Variants in PLEKHA8 observed in about 807,000 individuals in gnomAD.
PLEKHA8 encodes pleckstrin homology domain containing A8.
Under a neutral mutation model 68.2 loss-of-function variants are expected in PLEKHA8, and 36 were observed. That is an observed-to-expected ratio of 0.53 (90% CI 0.40 to 0.70). PLEKHA8 has a LOEUF of 0.70. Ranked by LOEUF, PLEKHA8 falls within the 30% of genes least tolerant of loss-of-function variation. The probability of loss-of-function intolerance (pLI) is 0.00; values close to 1 mark genes in which losing one functional copy is unlikely to be tolerated. For missense variants in PLEKHA8, 505 were observed against 615.4 expected (o/e 0.82, Z 1.90); for synonymous variants, 211 against 216.1 (o/e 0.98, Z 0.20).
chr7:30,119,906 T>C (rs918531238), intron 13 of PLEKHA8, among the ~76,000 whole-genome samples: 11 of 152,176 alleles, frequency 7.2e-5, no homozygotes, highest in East Asian at 3.8e-4. Context: ...CTCTTTCTTA[T>C]TGGTACTCAG....
intron 13 of PLEKHA8, among the ~76,000 whole-genome samples, chr7:30,115,576 GCACGTATACATGTAGACATGTATACATA>G (rs1289734996): frequency 2.6e-5 from 2 of 75,738 alleles, no homozygotes; most frequent in East Asian, 1.0e-3. Context: ...ATGTATACAT[GCACGTATACATGTAGACATGTATACATA>G]CATTTATACA....
chr7:30,089,114 G>C (rs965911295), downstream of PLEKHA8, among the ~76,000 whole-genome samples: 1 of 152,112 alleles, frequency 6.6e-6, no homozygotes, highest in African/African-American at 2.4e-5. Flanking sequence ...AGAAGACAGA[G>C]CAGAGTCCAG....
intron 13 of PLEKHA8, among the ~76,000 whole-genome samples, chr7:30,115,652 A>G (rs545009052): frequency 9.2e-5 from 14 of 151,936 alleles, no homozygotes; most frequent in East Asian, 5.8e-4. Context: ...ACACATGTAC[A>G]CATACATGTA....
At chr7:30,072,592 C>A (rs1794313594) in intron 12 of PLEKHA8, among the ~76,000 whole-genome samples, 1 of 152,176 alleles carries the variant, frequency 6.6e-6, no homozygotes, top group Non-Finnish European at 1.5e-5. Context: ...GTCCTGTGAA[C>A]CACGTTGCTT....
Position 30,083,672 on chromosome 7 carries a change from A to T in PLEKHA8, c.*4885A>T. ...AAATACCACTACTCTGCAATGCAAAAGTCTTCAAAATTCTTTGTTTCCTGT... is the reference window on the plus strand; with the variant it reads ...AAATACCACTACTCTGCAATGCAAATGTCTTCAAAATTCTTTGTTTCCTGT... On this transcript the variant is annotated 3_prime_UTR_variant, in exon 14 of 14. Coordinates refer to ENST00000449726, the MANE Select transcript of PLEKHA8 (RefSeq NM_001197026.2). The T allele has an allele frequency of 2.0e-6, 2 of 985,472 alleles. No individual in the cohort carries two copies. The highest frequency in any genetic ancestry group is 2.4e-6 in the Non-Finnish European group (2 of 829,930). 61.0% of individuals were successfully genotyped at this position (985,472 alleles called of 1,614,324 possible).
chr7:30,043,889 C>T (rs1195902185), intron 1 of PLEKHA8, among the ~76,000 whole-genome samples: 1 of 152,162 alleles, frequency 6.6e-6, no homozygotes, highest in African/African-American at 2.4e-5. Flanking sequence ...GGGGCTCTGC[C>T]TTCTCTCTGG....
chr7:30,028,860 T>C, intron 1 of PLEKHA8, 58 bp downstream of exon 1: 1 of 1,245,082 alleles, frequency 8.0e-7, no homozygotes, highest in Non-Finnish European at 1.0e-6. Context: ...TCTGCGCGGC[T>C]GGAGGGCGGT....
rs576009725 is a variant in PLEKHA8 at position 30,082,748 on chromosome 7, A to T, written c.*3961A>T. ...AGGGAAAGAGGAGCCAAAGTAAGAG[A>T]TTTTTTTTTAAGGAAACTTAATCTG... On this transcript the variant is annotated 3_prime_UTR_variant, in exon 14 of 14. Coordinates refer to ENST00000449726, the MANE Select transcript of PLEKHA8 (RefSeq NM_001197026.2). 1.0e-6 allele frequency: 1 copy of T among 981,340 alleles called. No homozygotes were observed. The highest frequency in any genetic ancestry group is 4.7e-5 in the South Asian group (1 of 21,174). 60.8% of individuals were successfully genotyped at this position (981,340 alleles called of 1,614,324 possible). A position where few individuals can be genotyped will look rare whatever the true frequency, so the allele number is the denominator to read the frequency against.
chr7:30,049,060 CTTGA>C (rs34638045), intron 4 of PLEKHA8, 160 bp from the exon 5 acceptor site: 96,622 of 787,098 alleles, frequency 0.12, 6,510 homozygotes, highest in Non-Finnish European at 0.14. Context: ...CTGATAGTTA[CTTGA>C]TTAATAGATA....
At chr7:30,100,539 A>T (rs958242790) in intron 13 of PLEKHA8, among the ~76,000 whole-genome samples, 1 of 152,180 alleles carries the variant, frequency 6.6e-6, no homozygotes, top group African/African-American at 2.4e-5. Flanking sequence ...CAACAGAGCG[A>T]GACTGTGTCT....
At chr7:30,044,271 C>T (rs1791777811) in intron 1 of PLEKHA8, among the ~76,000 whole-genome samples, 1 of 152,110 alleles carries the variant, frequency 6.6e-6, no homozygotes, top group Non-Finnish European at 1.5e-5. Context: ...TCCCAAAGTG[C>T]TGGGATTACA....
chr7:30,108,586 G>A (rs1490917351), intron 13 of PLEKHA8, among the ~76,000 whole-genome samples: 1 of 151,988 alleles, frequency 6.6e-6, no homozygotes, highest in African/African-American at 2.4e-5. Flanking sequence ...ATTTCTTCTT[G>A]AGTAGTTCTG....
intron 12 of PLEKHA8, among the ~76,000 whole-genome samples, chr7:30,064,819 G>A (rs1793706913): frequency 6.6e-6 from 1 of 152,176 alleles, no homozygotes. Context: ...AGAAGATACA[G>A]GGTTTAGCAC....
At chr7:30,036,451 G>GATAGATAGATAC (rs1554375828) in intron 1 of PLEKHA8, among the ~76,000 whole-genome samples, 4 of 150,292 alleles carry the variant, frequency 2.7e-5, no homozygotes, top group East Asian at 2.0e-4. Flanking sequence ...TAGATAGATA[G>GATAGATAGATAC]ATAGATAGAT....
chr7:30,067,179 G>A (rs10254969), intron 12 of PLEKHA8, among the ~76,000 whole-genome samples: 8,435 of 152,234 alleles, frequency 0.055, 363 homozygotes, highest in Middle Eastern at 0.078. Flanking sequence ...GAATTCAGAG[G>A]TTACTCTCCT....
At chr7:30,052,375 G>A (rs1423331094) in intron 6 of PLEKHA8, among the ~76,000 whole-genome samples, 2 of 152,174 alleles carry the variant, frequency 1.3e-5, no homozygotes, top group African/African-American at 2.4e-5. Context: ...GGTGGCTCAT[G>A]CCTGTAATCC....
At position 30,080,770 on chromosome 7, in the gene PLEKHA8, T is replaced by G. The variant is rs1339342869; in HGVS notation, c.*1983T>G. Reference sequence around the variant, plus strand: ...TGAGCAGTGAGTATAGATCTCCTTCTCTGATTAGTATGAATATGATGGCAG... The same window carrying G: ...TGAGCAGTGAGTATAGATCTCCTTCGCTGATTAGTATGAATATGATGGCAG... On this transcript the variant is annotated 3_prime_UTR_variant, in exon 14 of 14. Transcript: ENST00000449726. 4.1e-6 allele frequency: 4 copies of G among 985,218 alleles called. No homozygotes were observed. The African/African-American group carries it at 5.2e-5, about 13-fold the overall frequency. 61.0% of individuals were successfully genotyped at this position (985,218 alleles called of 1,614,324 possible).
chr7:30,075,077 G>A (rs1794530334), intron 13 of PLEKHA8: 1 of 152,178 alleles, frequency 6.6e-6, no homozygotes, highest in Non-Finnish European at 1.5e-5. Context: ...GAAGGTTGGG[G>A]AATAAAGTAG....
At chr7:30,115,820 A>G (rs558802792) in intron 13 of PLEKHA8, 5 of 139,036 alleles carry the variant, frequency 3.6e-5, no homozygotes, top group South Asian at 2.1e-4. Context: ...ATGCATGTAT[A>G]CATGCGTGCA....
Sources: allele counts gnomAD v4.1 joint callset (sites outside exome capture counted in the v4.1 genomes callset), GRCh38; gene constraint gnomAD v4.1.1; transcripts MANE v1.5; gene names NCBI Gene and HGNC (gene_info 2026-07-23, HGNC 2026-07-21).